Variants in CACNA1E observed in about 807,000 individuals in gnomAD.
CACNA1E encodes the protein calcium voltage-gated channel subunit alpha1 E.
Under a neutral mutation model 259.2 loss-of-function variants are expected in CACNA1E, and 40 were observed. The ratio of observed to expected loss-of-function variants is 0.15; its 90% CI spans 0.12 to 0.20. The LOEUF (loss-of-function observed/expected upper bound fraction) is 0.20. CACNA1E is among the 10% of genes least tolerant of loss of function. The probability of loss-of-function intolerance (pLI) is 1.00; values close to 1 mark genes in which losing one functional copy is unlikely to be tolerated. For missense variants in CACNA1E, 1,874 were observed against 3,040.1 expected, an observed-to-expected ratio of 0.62 and a Z score of 9.02; for synonymous variants, 1,104 against 1,138.5, an observed-to-expected ratio of 0.97 and a Z score of 0.61.
chr1:181,724,642 C>T, intron 17 of CACNA1E, 105 bp downstream of exon 17: 3 of 885,486 alleles, frequency 3.4e-6, no homozygotes, highest in Non-Finnish European at 3.6e-6. Flanking sequence ...TCAGGCCTGC[C>T]AGGAAGGCCC....
At chr1:181,330,412 G>T (rs1349780186) in intron 1 of CACNA1E, among the ~76,000 whole-genome samples, 1 of 152,196 alleles carries the variant, frequency 6.6e-6, no homozygotes, top group Non-Finnish European at 1.5e-5. Flanking sequence ...CAAAACAGGG[G>T]TCTTGGTGAT....
intron 1 of CACNA1E, among the ~76,000 whole-genome samples, chr1:181,363,361 A>G (rs543678242): frequency 2.6e-5 from 4 of 152,346 alleles, no homozygotes; most frequent in East Asian, 1.9e-4. Context: ...CAGCATGGCT[A>G]AGGAAGGAAG....
chr1:181,776,072 TA>T lies in CACNA1E; in HGVS notation c.5140-27del. 6.2e-7 allele frequency: 1 copy of T among 1,603,120 alleles called. No individual in the cohort carries two copies. The highest frequency in any genetic ancestry group is 8.5e-7 in the Non-Finnish European group (1 of 1,173,750). ...CCTGAGCTCTGCTTTAGGTTTCCCC[TA>T]ACCCCTCTTCTTCCCCTTGCCCTTC... On this transcript the variant is annotated intron_variant, in intron 37 of 47. Transcript: ENST00000367573. The surrounding 1 kb of genome is among the most constrained non-coding windows in gnomAD (Gnocchi z 4.4).
At chr1:181,651,231 G>A in intron 6 of CACNA1E, 107 bp from the exon 7 acceptor site, 3 of 716,880 alleles carry the variant, frequency 4.2e-6, no homozygotes, top group Admixed American at 2.3e-5. Context: ...ATATTTAACT[G>A]TATTGCATTG....
At chr1:181,741,890 A>C (rs1209307983) in intron 25 of CACNA1E, among the ~76,000 whole-genome samples, 1 of 152,172 alleles carries the variant, frequency 6.6e-6, no homozygotes, top group African/African-American at 2.4e-5. Context: ...GTCCACACTT[A>C]TGTGATGTAT....
chr1:181,728,782 T>C (rs1176908929), intron 18 of CACNA1E, among the ~76,000 whole-genome samples: 2 of 151,036 alleles, frequency 1.3e-5, no homozygotes, highest in Non-Finnish European at 3.0e-5. Context: ...CCTGCTCAGC[T>C]ATGTGTGCCC....
chr1:181,416,133 C>T (rs1483244301), intron 2 of CACNA1E, among the ~76,000 whole-genome samples: 1 of 152,084 alleles, frequency 6.6e-6, no homozygotes, highest in Non-Finnish European at 1.5e-5. Flanking sequence ...GCTCAGTTAT[C>T]TCTTCATGCT....
intron 6 of CACNA1E, among the ~76,000 whole-genome samples, chr1:181,642,488 A>T (rs566278036): frequency 6.6e-6 from 1 of 152,156 alleles, no homozygotes; most frequent in African/African-American, 2.4e-5. Flanking sequence ...TGGGCACTGC[A>T]CAAAACGTTC....
At chr1:181,523,359 G>T (rs574601770) in intron 3 of CACNA1E, among the ~76,000 whole-genome samples, 1 of 152,330 alleles carries the variant, frequency 6.6e-6, no homozygotes, top group Non-Finnish European at 1.5e-5. Context: ...AGTATATTTT[G>T]TAGTGTGTGG....
intron 46 of CACNA1E, among the ~76,000 whole-genome samples, chr1:181,795,473 C>A (rs1204546316): frequency 6.6e-6 from 1 of 151,164 alleles, no homozygotes; most frequent in East Asian, 1.9e-4. Flanking sequence ...CAGAGTTTCA[C>A]TCTGCAGCAC....
At chr1:181,473,711 G>A (rs1355680206) in intron 2 of CACNA1E, among the ~76,000 whole-genome samples, 1 of 152,198 alleles carries the variant, frequency 6.6e-6, no homozygotes, top group African/African-American at 2.4e-5. Context: ...TCTTGGAACT[G>A]TAGAATCATC....
chr1:181,805,169 A>T lies in CACNA1E; in HGVS notation c.*6335A>T, dbSNP rs1260442699. ...ACAACCAGACCCTAGACTTTATACC[A>T]GGCTGTGCCACTTCCTCTTCACTTC... is the stretch of plus-strand genomic sequence containing the variant. On this transcript the variant is annotated 3_prime_UTR_variant, in exon 48 of 48. Coordinates refer to ENST00000367573, the MANE Select transcript of CACNA1E (RefSeq NM_001205293.3). 6.6e-6 allele frequency: 1 copy of T among 152,202 alleles called. No individual in the cohort carries two copies. The allele number at this position is 152,202 out of a possible 1,614,324, so 9.4% of individuals were successfully genotyped here. A position where few individuals can be genotyped will look rare whatever the true frequency, so the allele number is the denominator to read the frequency against.
chr1:181,472,687 C>G (rs1355715084), intron 2 of CACNA1E, among the ~76,000 whole-genome samples: 26 of 152,176 alleles, frequency 1.7e-4, no homozygotes, highest in Admixed American at 1.6e-3. Context: ...CCCCAGTGAG[C>G]TGGTGACTGT....
intron 3 of CACNA1E, among the ~76,000 whole-genome samples, chr1:181,526,303 T>A (rs1028326655): frequency 1.3e-5 from 2 of 151,928 alleles, no homozygotes; most frequent in Admixed American, 1.3e-4. Flanking sequence ...TAATAGTTAG[T>A]TGGTGGGGTC....
intron 2 of CACNA1E, among the ~76,000 whole-genome samples, chr1:181,443,025 G>A (rs762801697): frequency 3.9e-5 from 6 of 152,164 alleles, no homozygotes; most frequent in Non-Finnish European, 8.8e-5. Flanking sequence ...AGATAAGCTG[G>A]CCCAGTGCAG....
intron 2 of CACNA1E, among the ~76,000 whole-genome samples, chr1:181,426,218 T>C (rs1232956092): frequency 6.6e-6 from 1 of 151,572 alleles, no homozygotes; most frequent in East Asian, 1.9e-4. Flanking sequence ...AACCCAGTCC[T>C]ACCCCATCTC....
chr1:181,793,871 G>A, intron 45 of CACNA1E, 78 bp downstream of exon 45: 1 of 1,473,114 alleles, frequency 6.8e-7, no homozygotes, highest in Non-Finnish European at 9.1e-7. Flanking sequence ...TCTGATATTT[G>A]CAGGTGAGCC....
rs1357094995 is a variant in CACNA1E, at chr1:181,788,183, G to T, written c.5787-2262G>T. ...AAATTTGGTAGATAAGACTGGATAG[G>T]ATTTGGTGATTGATTTGCTACTTGG... On this transcript the variant is annotated intron_variant, in intron 43 of 47. Coordinates refer to ENST00000367573, the MANE Select transcript of CACNA1E (RefSeq NM_001205293.3). Among the ~76,000 whole-genome samples, 3 of 152,174 alleles carry T rather than the reference G, an allele frequency of 2.0e-5. No individual in the cohort carries two copies. The East Asian group carries it at 5.8e-4, about 29-fold the overall frequency.
intron 2 of CACNA1E, among the ~76,000 whole-genome samples, chr1:181,418,378 A>G (rs944949177): frequency 6.6e-6 from 1 of 151,690 alleles, no homozygotes; most frequent in African/African-American, 2.4e-5. Context: ...CCTTTTCCCA[A>G]TCCTTACTAA....
Sources: allele counts gnomAD v4.1 joint callset (sites outside exome capture counted in the v4.1 genomes callset), GRCh38; gene constraint gnomAD v4.1.1; non-coding constraint Gnocchi (gnomAD v3.1); transcripts MANE v1.5; gene names NCBI Gene and HGNC (gene_info 2026-07-23, HGNC 2026-07-21).